The following AGBL4 variants were observed in gnomAD, a reference collection of about 807,000 sequenced individuals.
AGBL4 encodes the protein cytosolic carboxypeptidase 6.
In AGBL4, 58 loss-of-function variants were observed where a neutral mutation model predicts 66.4. That is an observed-to-expected ratio of 0.87 (90% CI 0.71 to 1.09). AGBL4 has a LOEUF of 1.09. AGBL4 is among the 50% of genes least tolerant of loss of function. The probability of loss-of-function intolerance (pLI) is 0.00; values close to 1 mark genes in which losing one functional copy is unlikely to be tolerated. For synonymous variants in AGBL4, 234 were observed against 222.9 expected (o/e 1.05, Z -0.44); for missense variants, 579 against 631.0 (o/e 0.92, Z 0.88).
chr1:49,618,595 G>A (rs1312875300), intron 3 of AGBL4, among the ~76,000 whole-genome samples: 3 of 152,144 alleles, frequency 2.0e-5, no homozygotes, highest in Non-Finnish European at 4.4e-5. Context: ...GAAAAAGAGG[G>A]ATTCCTCCCT....
At chr1:49,182,176 C>A (rs1646941581) in intron 4 of AGBL4, among the ~76,000 whole-genome samples, 1 of 152,180 alleles carries the variant, frequency 6.6e-6, no homozygotes, top group South Asian at 2.1e-4. Context: ...TGAAGAATGA[C>A]CATCCTTAGA....
intron 2 of AGBL4, among the ~76,000 whole-genome samples, chr1:49,750,047 A>G (rs1651325561): frequency 6.6e-6 from 1 of 152,164 alleles, no homozygotes; most frequent in Non-Finnish European, 1.5e-5. Context: ...CAATGAGAAA[A>G]TAAGTCTTTT....
intron 3 of AGBL4, among the ~76,000 whole-genome samples, chr1:49,369,065 C>G (rs1364911745): frequency 1.3e-5 from 2 of 152,084 alleles, no homozygotes; most frequent in Non-Finnish European, 2.9e-5. Context: ...GCCTGGGCAA[C>G]AGAGCAAGAC....
intron 6 of AGBL4, among the ~76,000 whole-genome samples, chr1:48,810,096 C>T (rs1646014896): frequency 6.6e-6 from 1 of 152,180 alleles, no homozygotes; most frequent in South Asian, 2.1e-4. Flanking sequence ...AATGGAACTA[C>T]TCATTTACTC....
rs537397770 is a variant in AGBL4, at chr1:49,937,550, C to G, written c.35-86032G>C. 1.6e-3 allele frequency among the ~76,000 whole-genome samples: 241 copies of G among 152,160 alleles called. 1 individual carries two copies. The highest frequency in any genetic ancestry group is 4.9e-3 in the African/African-American group (205 of 41,516). The stretch of plus-strand genomic sequence containing the variant: ...AACAGAATATACATTTTTTTCAGCA[C>G]CACACCACACCTATTCCAAAATTGA... On this transcript the variant is annotated intron_variant, in intron 1 of 13. Transcript: ENST00000371839.
At chr1:49,715,237 T>C (rs1432965157) in intron 2 of AGBL4, among the ~76,000 whole-genome samples, 2 of 152,142 alleles carry the variant, frequency 1.3e-5, no homozygotes, top group African/African-American at 4.8e-5. Flanking sequence ...GTTCCTGTGT[T>C]AGTTTGCTGA....
At chr1:48,646,913 A>T (rs1645845950) in intron 8 of AGBL4, among the ~76,000 whole-genome samples, 1 of 152,176 alleles carries the variant, frequency 6.6e-6, no homozygotes, top group Non-Finnish European at 1.5e-5. Context: ...ACACTTACAT[A>T]CTAGCTCCTC....
intron 1 of AGBL4, among the ~76,000 whole-genome samples, chr1:49,951,741 A>C (rs1372171458): frequency 1.3e-5 from 2 of 151,934 alleles, no homozygotes; most frequent in Non-Finnish European, 2.9e-5. Flanking sequence ...GCAATGTATC[A>C]ATTCGTTTTA....
chr1:48,696,173 T>A (rs1207930048), intron 6 of AGBL4, among the ~76,000 whole-genome samples: 1 of 152,112 alleles, frequency 6.6e-6, no homozygotes, highest in African/African-American at 2.4e-5. Flanking sequence ...CTCCCTCAAT[T>A]AGCCAGCTGC....
chr1:48,715,653 G>A (rs1460994267), intron 6 of AGBL4, among the ~76,000 whole-genome samples: 1 of 151,890 alleles, frequency 6.6e-6, no homozygotes, highest in Non-Finnish European at 1.5e-5. Context: ...CTCTACTCAA[G>A]AGTAATTTAA....
At chr1:48,754,596 C>G (rs1652247326) in intron 6 of AGBL4, among the ~76,000 whole-genome samples, 2 of 152,124 alleles carry the variant, frequency 1.3e-5, no homozygotes, top group African/African-American at 4.8e-5. Flanking sequence ...GAAAAGGGGA[C>G]TGGCATTTAT....
chr1:49,301,792 C>A (rs1246986619), intron 3 of AGBL4, among the ~76,000 whole-genome samples: 2 of 152,048 alleles, frequency 1.3e-5, no homozygotes, highest in Non-Finnish European at 1.5e-5. Context: ...AGACCGATGA[C>A]CCCCACCCAG....
intron 3 of AGBL4, among the ~76,000 whole-genome samples, chr1:49,398,542 T>C (rs1645020550): frequency 6.6e-6 from 1 of 152,136 alleles, no homozygotes; most frequent in Non-Finnish European, 1.5e-5. Context: ...TGTCACCCAA[T>C]TCCCATACTA....
intron 3 of AGBL4, among the ~76,000 whole-genome samples, chr1:49,678,858 T>G (rs534642364): frequency 8.9e-4 from 136 of 152,226 alleles, no homozygotes; most frequent in Non-Finnish European, 1.3e-3. Context: ...TTCCTAAAAT[T>G]TTTTAAGGTG....
intron 3 of AGBL4, among the ~76,000 whole-genome samples, chr1:49,564,255 C>G (rs1644133174): frequency 6.6e-6 from 1 of 152,066 alleles, no homozygotes; most frequent in African/African-American, 2.4e-5. Context: ...TTCAAAAAAC[C>G]AGCTGCTGGA....
At chr1:49,995,476 A>G in intron 1 of AGBL4, 1 of 354,004 alleles carries the variant, frequency 2.8e-6, no homozygotes, top group Non-Finnish European at 5.6e-6. Context: ...CCCATACCCC[A>G]CAGGGGCTGA....
chr1:49,785,893 A>AAATATAT (rs1407219283), intron 2 of AGBL4, among the ~76,000 whole-genome samples: 2 of 140,916 alleles, frequency 1.4e-5, no homozygotes, highest in African/African-American at 5.2e-5. Flanking sequence ...GGAAAAAAAA[A>AAATATAT]ATATATATAT....
At chr1:49,618,405 A>G (rs2124281462) in intron 3 of AGBL4, among the ~76,000 whole-genome samples, 1 of 132,274 alleles carries the variant, frequency 7.6e-6, no homozygotes, top group South Asian at 2.3e-4. Context: ...ACACCCTCCC[A>G]AGACTAAACC....
chr1:49,401,356 G>C (rs1645082120), intron 3 of AGBL4, among the ~76,000 whole-genome samples: 1 of 152,124 alleles, frequency 6.6e-6, no homozygotes, highest in Non-Finnish European at 1.5e-5. Context: ...AACACATGGG[G>C]ATTATCAGAA....
Sources: allele counts gnomAD v4.1 joint callset (sites outside exome capture counted in the v4.1 genomes callset), GRCh38; gene constraint gnomAD v4.1.1; transcripts MANE v1.5; gene names NCBI Gene and HGNC (gene_info 2026-07-23, HGNC 2026-07-21).